The following GULP1 variants were observed in gnomAD, a reference collection of about 807,000 sequenced individuals.
The protein encoded by GULP1 is GULP PTB domain containing engulfment adaptor 1.
GULP1 carries 19 observed loss-of-function variants against 40.9 expected under a neutral mutation model. That is an observed-to-expected ratio of 0.46 (90% confidence interval 0.32 to 0.68). The LOEUF (loss-of-function observed/expected upper bound fraction) is 0.68. Ranked by LOEUF, GULP1 falls within the 30% of genes least tolerant of loss-of-function variation. The pLI is 0.03. For synonymous variants in GULP1, 119 were observed against 117.6 expected (o/e 1.01, Z -0.08); for missense variants, 312 against 362.2 (o/e 0.86, Z 1.12).
chr2:188,451,303 A>G (rs1360318837), intron 2 of GULP1, among the ~76,000 whole-genome samples: 1 of 152,248 alleles, frequency 6.6e-6, no homozygotes. Context: ...GTGATGTTAA[A>G]GGAATGAGCT....
rs1408481114 is a variant in GULP1, at chr2:188,594,823, A to G, written c.*812A>G. On this transcript the variant is annotated 3_prime_UTR_variant, in exon 12 of 12. Transcript: ENST00000409830. ...AAAACATTTGGAATATATGCTATCT[A>G]TAGATTCAGTATCTACTACCCATAT... is the stretch of plus-strand genomic sequence containing the variant. The G allele has an allele frequency of 6.6e-6, 1 of 151,780 alleles. No homozygotes were observed. Among genetic ancestry groups the G allele is most frequent in the Admixed American group, 6.6e-5 (1 of 15,190 alleles). 9.4% of individuals were successfully genotyped at this position (151,780 alleles called of 1,614,324 possible).
chr2:188,582,708 T>G, intron 9 of GULP1: 1 of 349,860 alleles, frequency 2.9e-6, no homozygotes, highest in South Asian at 2.2e-5. Flanking sequence ...TGTGTGCCAT[T>G]GTTGTTTTCT....
intron 2 of GULP1, among the ~76,000 whole-genome samples, chr2:188,408,925 A>T (rs1308887436): frequency 1.3e-5 from 2 of 152,230 alleles, no homozygotes; most frequent in Non-Finnish European, 2.9e-5. Flanking sequence ...ATTGAAAATT[A>T]AAAAATATCT....
At chr2:188,587,023 A>C (rs956509277) in intron 10 of GULP1, among the ~76,000 whole-genome samples, 1 of 152,030 alleles carries the variant, frequency 6.6e-6, no homozygotes, top group African/African-American at 2.4e-5. Flanking sequence ...ATATGTTATA[A>C]ATACTAATTT....
At chr2:188,504,719 T>C (rs1489093454) in intron 4 of GULP1, among the ~76,000 whole-genome samples, 1 of 151,872 alleles carries the variant, frequency 6.6e-6, no homozygotes, top group Non-Finnish European at 1.5e-5. Context: ...AAATCACATA[T>C]TAATCCAATT....
chr2:188,538,942 T>C (rs1225101735), intron 6 of GULP1, among the ~76,000 whole-genome samples: 1 of 152,138 alleles, frequency 6.6e-6, no homozygotes, highest in African/African-American at 2.4e-5. Context: ...GACAGGATTT[T>C]TAAATATATT....
intron 9 of GULP1, among the ~76,000 whole-genome samples, chr2:188,575,936 A>G (rs760686868): frequency 1.4e-4 from 21 of 152,128 alleles, no homozygotes; most frequent in Non-Finnish European, 2.9e-4. Context: ...TTATGAGCAG[A>G]GCTTGATTTT....
chr2:188,324,614 T>C (rs1167964118), intron 1 of GULP1, among the ~76,000 whole-genome samples: 1 of 151,906 alleles, frequency 6.6e-6, no homozygotes, highest in Non-Finnish European at 1.5e-5. Context: ...AAAAGTTAAA[T>C]CAAATATTAA....
At chr2:188,414,988 A>G (rs1248096080) in intron 2 of GULP1, among the ~76,000 whole-genome samples, 1 of 152,180 alleles carries the variant, frequency 6.6e-6, no homozygotes, top group Non-Finnish European at 1.5e-5. Context: ...ATGTTATATC[A>G]AGAGTAAATA....
intron 7 of GULP1, among the ~76,000 whole-genome samples, chr2:188,568,707 G>A (rs1698363553): frequency 6.6e-6 from 1 of 152,120 alleles, no homozygotes; most frequent in South Asian, 2.1e-4. Context: ...AATTAACTGG[G>A]ACAGAGTAGC....
intron 1 of GULP1, among the ~76,000 whole-genome samples, chr2:188,345,667 C>T (rs2152234014): frequency 6.6e-6 from 1 of 152,110 alleles, no homozygotes; most frequent in Non-Finnish European, 1.5e-5. Context: ...GTGTGTGGGC[C>T]ACTCTTTCAA....
At chr2:188,428,511 G>A (rs917086777) in intron 2 of GULP1, among the ~76,000 whole-genome samples, 6 of 152,252 alleles carry the variant, frequency 3.9e-5, no homozygotes, top group Admixed American at 2.0e-4. Flanking sequence ...ATGGTTTAAC[G>A]TAATTTTCCT....
intron 2 of GULP1, among the ~76,000 whole-genome samples, chr2:188,422,831 T>G (rs892151987): frequency 1.3e-5 from 2 of 152,154 alleles, no homozygotes; most frequent in African/African-American, 4.8e-5. Context: ...TTTTGCTTAC[T>G]TTGTGACCAT....
intron 2 of GULP1, among the ~76,000 whole-genome samples, chr2:188,400,636 A>G (rs951034872): frequency 6.6e-6 from 1 of 152,232 alleles, no homozygotes; most frequent in African/African-American, 2.4e-5. Flanking sequence ...CATATTGGAT[A>G]CAATGTGGAG....
intron 2 of GULP1, among the ~76,000 whole-genome samples, chr2:188,475,454 TTTTAA>T (rs1387465827): frequency 1.3e-5 from 2 of 152,202 alleles, no homozygotes; most frequent in Non-Finnish European, 2.9e-5. Flanking sequence ...TATTTTATTT[TTTTAA>T]TTTAAAAGCC....
At position 188,402,234 on chromosome 2, in the gene GULP1, C is replaced by A. The variant is rs79282228; in HGVS notation, c.-45+18345C>A. 5.6e-3 allele frequency among the ~76,000 whole-genome samples: 854 copies of A among 152,208 alleles called. 4 individuals carry two copies. The highest frequency in any genetic ancestry group is 8.1e-3 in the Non-Finnish European group (550 of 67,952). On this transcript the variant is annotated intron_variant, in intron 2 of 11. Coordinates refer to ENST00000409830, the MANE Select transcript of GULP1 (RefSeq NM_016315.4). The stretch of plus-strand genomic sequence containing the variant: ...GGCTAGTACCTACAGTAAGGAAAAT[C>A]ATTTGATACTTATGTAGGAGGTTTT...
At chr2:188,571,485 T>C (rs1699024459) in intron 9 of GULP1, among the ~76,000 whole-genome samples, 1 of 152,172 alleles carries the variant, frequency 6.6e-6, no homozygotes, top group East Asian at 1.9e-4. Context: ...CCAGTAGGGC[T>C]CCTATGGCCT....
intron 1 of GULP1, among the ~76,000 whole-genome samples, chr2:188,307,973 C>T (rs181248010): frequency 5.2e-5 from 6 of 115,404 alleles, no homozygotes; most frequent in East Asian, 3.1e-4. Context: ...GGAATCACTA[C>T]GCCAGCAATT....
At position 188,477,642 on chromosome 2, in the gene GULP1, T is replaced by C; in HGVS notation, c.-44-17T>C. On this transcript the variant is annotated splice_polypyrimidine_tract_variant and intron_variant, in intron 2 of 11. Transcript: ENST00000409830. Reference sequence around the variant, plus strand: ...ACAGTCCTTTGTTTATGTTTTAATATTTTGTCACTTTTACAGGATTTAAGT... The same window carrying C: ...ACAGTCCTTTGTTTATGTTTTAATACTTTGTCACTTTTACAGGATTTAAGT... 1 of 1,334,082 alleles carries C rather than the reference T, an allele frequency of 7.5e-7. No individual in the cohort carries two copies. The highest frequency in any genetic ancestry group is 1.3e-5 in the South Asian group (1 of 78,202). The allele number at this position is 1,334,082 out of a possible 1,614,324, so 82.6% of individuals were successfully genotyped here.
Sources: allele counts gnomAD v4.1 joint callset (sites outside exome capture counted in the v4.1 genomes callset), GRCh38; gene constraint gnomAD v4.1.1; transcripts MANE v1.5; gene names NCBI Gene and HGNC (gene_info 2026-07-23, HGNC 2026-07-21).